Variants in NR1D1 observed in about 807,000 individuals in gnomAD.
NR1D1 encodes Rev-ErbAalpha.
In NR1D1, 17 loss-of-function variants were observed where a neutral mutation model predicts 51.1. The ratio of observed to expected loss-of-function variants is 0.33; its 90% confidence interval spans 0.23 to 0.50. The LOEUF is 0.50. Among genes scored for constraint, NR1D1 ranks in the 20% least tolerant of loss-of-function variants. The probability of loss-of-function intolerance (pLI) is 0.98; values close to 1 mark genes in which losing one functional copy is unlikely to be tolerated. For synonymous variants in NR1D1, 341 were observed against 333.4 expected (o/e 1.02, Z -0.25); for missense variants, 647 against 830.4 (o/e 0.78, Z 2.71).
At position 40,094,371 on chromosome 17, in the gene NR1D1, C is replaced by A. The variant is rs368352475; in HGVS notation, c.1435-249G>T. On this transcript the variant is annotated intron_variant, in intron 6 of 7. Coordinates refer to ENST00000246672, the MANE Select transcript of NR1D1 (RefSeq NM_021724.5). ...AGGCATTCACCAAAGTTAATCTGCT[C>A]TTGTCTAGAATGGGGGCAGCAGTGC... 6.6e-5 allele frequency among the ~76,000 whole-genome samples: 10 copies of A among 152,302 alleles called. No individual in the cohort carries two copies. The South Asian group carries it at 1.7e-3, about 25-fold the overall frequency.
At chr17:40,096,977 C>T in intron 2 of NR1D1, 88 bp downstream of exon 2, 3 of 1,353,712 alleles carry the variant, frequency 2.2e-6, no homozygotes, top group Non-Finnish European at 3.1e-6. Context: ...AGAATAGGTC[C>T]TGGCAAGACT....
At chr17:40,098,752 TTAG>T (rs1415919539) in intron 1 of NR1D1, among the ~76,000 whole-genome samples, 2 of 152,290 alleles carry the variant, frequency 1.3e-5, no homozygotes, top group African/African-American at 2.4e-5. Flanking sequence ...TGGGGAGCCC[TTAG>T]TAGGCAAACT....
In NR1D1 at chr17:40,096,513, G is replaced by A. The variant is rs1987766012; in HGVS notation, c.534C>T (p.Val178=). The change falls in exon 4 of 8, where the codon GTC becomes GTT. Residue 178 remains valine, a synonymous_variant. Transcript: ENST00000246672. ...RCLKNENCSI[V]RINRNRCQQC... ...GCTGGCAGCGGTTGCGATTGATGCG[G>A]ACGATGGAGCAATTCTCATTCTTCA... The A allele has an allele frequency of 1.2e-6, 2 of 1,614,226 alleles. No homozygotes were observed. Among genetic ancestry groups the A allele is most frequent in the Admixed American group, 1.7e-5 (1 of 60,034 alleles).
Position 40,096,689 on chromosome 17 carries a change from A to G in NR1D1, c.459+2T>C. The G allele has an allele frequency of 6.2e-7, 1 of 1,614,104 alleles. No homozygotes were observed. The highest frequency in any genetic ancestry group is 8.5e-7 in the Non-Finnish European group (1 of 1,180,006). ...CCTGCCCTTACCCCCAGTCCGCCTC[A>G]CCTTGCAGCCCTCGCAGGCGTGCAC... On this transcript the variant is annotated splice_donor_variant, in intron 3 of 7. Transcript: ENST00000246672. LOFTEE classifies it high-confidence loss of function.
Position 40,093,073 on chromosome 17 carries a change from G to A in NR1D1, c.*10C>T. On this transcript the variant is annotated 3_prime_UTR_variant, in exon 8 of 8. Coordinates refer to ENST00000246672, the MANE Select transcript of NR1D1 (RefSeq NM_021724.5). This position sits in a 1 kb window ranked among gnomAD's most constrained non-coding sequence, Gnocchi z 5.9. ...ACAAGGGGGCAGCGGCAGAAGGCCG[G>A]CCGGGCGGGTCACTGGGCGTCCACC... 6.2e-7 allele frequency: 1 copy of A among 1,614,150 alleles called. No individual in the cohort carries two copies. Among genetic ancestry groups the A allele is most frequent in the African/African-American group, 1.3e-5 (1 of 75,050 alleles).
Position 40,093,146 on chromosome 17 carries a change from G to A in NR1D1, c.1782C>T (p.Asp594=). 6.2e-7 allele frequency: 1 copy of A among 1,614,094 alleles called. No individual in the cohort carries two copies. Among genetic ancestry groups the A allele is most frequent in the East Asian group, 2.2e-5 (1 of 44,886 alleles). ...RFTKLLLKLP[D]LRTLNNMHSE... ...AATGCATGTTGTTCAGGGTCCGCAG[G>A]TCCGGCAGCTTGAGCAGCAGCTTGG... Residue 594 remains aspartate, a synonymous_variant, in exon 8 of 8, where the codon GAC becomes GAT. Transcript: ENST00000246672. The surrounding 1 kb of genome is among the most constrained non-coding windows in gnomAD (Gnocchi z 5.9).
Position 40,093,402 on chromosome 17 carries a change from G to T in NR1D1, c.1646-120C>A. 2 of 1,603,302 alleles carry T rather than the reference G, an allele frequency of 1.2e-6. No individual in the cohort carries two copies. The highest frequency in any genetic ancestry group is 1.7e-6 in the Non-Finnish European group (2 of 1,174,544). ...CCCTGAAGCCCCCCAGAAGGCCGAT[G>T]GGGAAGGAGAAGGAGTGCCATACCT... On this transcript the variant is annotated intron_variant, in intron 7 of 7. Transcript: ENST00000246672. This position sits in a 1 kb window ranked among gnomAD's most constrained non-coding sequence, Gnocchi z 5.9.
Position 40,093,799 on chromosome 17 carries a change from T to C in NR1D1, c.1645+113A>G. On this transcript the variant is annotated intron_variant, in intron 7 of 7. Coordinates refer to ENST00000246672, the MANE Select transcript of NR1D1 (RefSeq NM_021724.5). This position sits in a 1 kb window ranked among gnomAD's most constrained non-coding sequence, Gnocchi z 5.9. ...AGCTAGACTGTGTCTGAATCATGTC[T>C]GTATCCCCAGTGCCCGGTGCAGGGC... is the stretch of plus-strand genomic sequence containing the variant. The C allele has an allele frequency of 1.1e-6, 1 of 899,956 alleles. No individual in the cohort carries two copies. The highest frequency in any genetic ancestry group is 1.7e-5 in the African/African-American group (1 of 60,466). The allele number at this position is 899,956 out of a possible 1,614,324, so 55.7% of individuals were successfully genotyped here. A position where few individuals can be genotyped will look rare whatever the true frequency, so the allele number is the denominator to read the frequency against.
chr17:40,095,441 T>TA lies in NR1D1; in HGVS notation c.1248+2dup. 6.6e-7 allele frequency: 1 copy of TA among 1,523,712 alleles called. No individual in the cohort carries two copies. The highest frequency in any genetic ancestry group is 8.8e-7 in the Non-Finnish European group (1 of 1,136,136). 94.4% of individuals were successfully genotyped at this position (1,523,712 alleles called of 1,614,324 possible). On this transcript the variant is annotated splice_region_variant and intron_variant, in intron 5 of 7. Coordinates refer to ENST00000246672, the MANE Select transcript of NR1D1 (RefSeq NM_021724.5). ...ACGCACTCGCCCGCCCCCATGCCCT[T>TA]ACCAGCAGAACATTCTTTGAGTTGC...
At position 40,093,137 on chromosome 17, in the gene NR1D1, G is replaced by T. The variant is rs914054166; in HGVS notation, c.1791C>A (p.Thr597=). ...GCTTCTCGGAATGCATGTTGTTCAG[G>T]GTCCGCAGGTCCGGCAGCTTGAGCA... ...KLLLKLPDLR[T]LNNMHSEKLL... is the part of the protein sequence containing the mutation. The change falls in exon 8 of 8, where the codon ACC becomes ACA. Residue 597 remains threonine, a synonymous_variant. Coordinates refer to ENST00000246672, the MANE Select transcript of NR1D1 (RefSeq NM_021724.5). The surrounding 1 kb of genome is among the most constrained non-coding windows in gnomAD (Gnocchi z 5.9). The T allele has an allele frequency of 3.1e-6, 5 of 1,614,088 alleles. No individual in the cohort carries two copies. Among genetic ancestry groups the T allele is most frequent in the Non-Finnish European group, 4.2e-6 (5 of 1,180,024 alleles).
At position 40,097,101 on chromosome 17, in the gene NR1D1, G is replaced by A; in HGVS notation, c.334C>T (p.Arg112Ter). ...SLQVAMEDSS[R>*]VSPSKSTSNI... ...CTGGTGCTCTTGCTGGGGGACACTCGGCTGCTGTCCTCCATGGCCACTTGT... is the reference window on the plus strand; with the variant it reads ...CTGGTGCTCTTGCTGGGGGACACTCAGCTGCTGTCCTCCATGGCCACTTGT... Residue 112 changes from arginine (R) to a stop codon, truncating the protein, a stop_gained, in exon 2 of 8, where the codon CGA (arginine) becomes TGA (stop). Transcript: ENST00000246672. LOFTEE classifies it high-confidence loss of function. The A allele has an allele frequency of 6.2e-7, 1 of 1,607,312 alleles. No individual in the cohort carries two copies. Among genetic ancestry groups the A allele is most frequent in the Non-Finnish European group, 8.5e-7 (1 of 1,176,420 alleles).
rs1987642058 is a variant in NR1D1, at chr17:40,093,008, C to T, written c.*75G>A. 4 of 1,600,476 alleles carry T rather than the reference C, an allele frequency of 2.5e-6. No individual in the cohort carries two copies. The highest frequency in any genetic ancestry group is 3.4e-6 in the Non-Finnish European group (4 of 1,169,986). ...AAGATTCTGGTTTGCTTTTCCTTTT[C>T]GTCTCGTAAAGGAGAGAGAAGTGCA... On this transcript the variant is annotated 3_prime_UTR_variant, in exon 8 of 8. Transcript: ENST00000246672. This position sits in a 1 kb window ranked among gnomAD's most constrained non-coding sequence, Gnocchi z 5.9.
chr17:40,100,185 A>T lies in NR1D1; in HGVS notation c.-91T>A. On this transcript the variant is annotated 5_prime_UTR_variant, in exon 1 of 8. Coordinates refer to ENST00000246672, the MANE Select transcript of NR1D1 (RefSeq NM_021724.5). ...GCTGTTGCCCCCTGGGCACTGGCTA[A>T]GGGCGGGGAGTGGACCCCGCGACTC... 9.8e-7 allele frequency: 1 copy of T among 1,023,916 alleles called. No individual in the cohort carries two copies. The highest frequency in any genetic ancestry group is 1.3e-5 in the South Asian group (1 of 78,280). 63.4% of individuals were successfully genotyped at this position (1,023,916 alleles called of 1,614,324 possible). A position where few individuals can be genotyped will look rare whatever the true frequency, so the allele number is the denominator to read the frequency against.
Position 40,093,593 on chromosome 17 carries a change from G to A in NR1D1, c.1646-311C>T, listed in dbSNP as rs1416734188. ...CTGTGTAGTTCCCTCTGCCTGGGAT[G>A]CCCTTCCCCCTTTCTCTGCCTGGCA... On this transcript the variant is annotated intron_variant, in intron 7 of 7. Coordinates refer to ENST00000246672, the MANE Select transcript of NR1D1 (RefSeq NM_021724.5). This position sits in a 1 kb window ranked among gnomAD's most constrained non-coding sequence, Gnocchi z 5.9. 1.3e-6 allele frequency: 1 copy of A among 796,450 alleles called. No homozygotes were observed. Among genetic ancestry groups the A allele is most frequent in the Non-Finnish European group, 1.9e-6 (1 of 517,532 alleles). The allele number at this position is 796,450 out of a possible 1,614,324, so 49.3% of individuals were successfully genotyped here. A position where few individuals can be genotyped will look rare whatever the true frequency, so the allele number is the denominator to read the frequency against.
chr17:40,096,792 C>G lies in NR1D1; in HGVS notation c.371-13G>C. 1 of 1,613,688 alleles carries G rather than the reference C, an allele frequency of 6.2e-7. No homozygotes were observed. The highest frequency in any genetic ancestry group is 8.5e-7 in the Non-Finnish European group (1 of 1,179,714). ...ATGCCATTCAGCTCTGTGGAAGAGACGGGCAGCAGGTGAGCAGGAGAGGCC... is the reference window on the plus strand; with the variant it reads ...ATGCCATTCAGCTCTGTGGAAGAGAGGGGCAGCAGGTGAGCAGGAGAGGCC... On this transcript the variant is annotated splice_polypyrimidine_tract_variant and intron_variant, in intron 2 of 7. Transcript: ENST00000246672.
Position 40,096,427 on chromosome 17 carries a change from G to A in NR1D1, c.604+16C>T. 6.2e-7 allele frequency: 1 copy of A among 1,614,034 alleles called. No individual in the cohort carries two copies. The highest frequency in any genetic ancestry group is 8.5e-7 in the Non-Finnish European group (1 of 1,179,874). On this transcript the variant is annotated intron_variant, in intron 4 of 7. Transcript: ENST00000246672. Reference sequence around the variant, plus strand: ...TGGGCGGAAGAAGGGGGGAGGATGTGGGGATGCTGCCTCACCGTCTCGAGA... The same window carrying A: ...TGGGCGGAAGAAGGGGGGAGGATGTAGGGATGCTGCCTCACCGTCTCGAGA...
chr17:40,094,895 T>C (rs1328982132), intron 6 of NR1D1, 40 bp downstream of exon 6: 3 of 1,599,574 alleles, frequency 1.9e-6, no homozygotes, highest in Non-Finnish European at 2.6e-6. Flanking sequence ...AAACTCTGTC[T>C]CAAAAAAAAC....
chr17:40,094,456 G>A (rs1987705402), intron 6 of NR1D1, among the ~76,000 whole-genome samples: 1 of 152,206 alleles, frequency 6.6e-6, no homozygotes, highest in Non-Finnish European at 1.5e-5. Flanking sequence ...GATGACAGAA[G>A]TCCCAGCCAT....
rs992637954 is a variant in NR1D1 at position 40,093,602 on chromosome 17, C to T, written c.1645+310G>A. The T allele has an allele frequency of 2.7e-6, 2 of 741,606 alleles. No individual in the cohort carries two copies. The highest frequency in any genetic ancestry group is 2.9e-5 in the Admixed American group (1 of 34,072). The allele number at this position is 741,606 out of a possible 1,614,324, so 45.9% of individuals were successfully genotyped here. A position where few individuals can be genotyped will look rare whatever the true frequency, so the allele number is the denominator to read the frequency against. ...TCCCTCTGCCTGGGATGCCCTTCCCCCTTTCTCTGCCTGGCAACATCTTAC... is the reference window on the plus strand; with the variant it reads ...TCCCTCTGCCTGGGATGCCCTTCCCTCTTTCTCTGCCTGGCAACATCTTAC... On this transcript the variant is annotated intron_variant, in intron 7 of 7. Coordinates refer to ENST00000246672, the MANE Select transcript of NR1D1 (RefSeq NM_021724.5). This position sits in a 1 kb window ranked among gnomAD's most constrained non-coding sequence, Gnocchi z 5.9.
Sources: gnomAD v4.1 joint callset for allele counts (sites outside exome capture counted in the v4.1 genomes callset) on GRCh38, gnomAD v4.1.1 for gene constraint, Gnocchi (gnomAD v3.1) non-coding constraint, MANE v1.5 for transcripts, NCBI Gene and HGNC (gene_info 2026-07-23, HGNC 2026-07-21) for gene names.